AQP11: variants seen among roughly 807,000 people sequenced by gnomAD.
The protein encoded by AQP11 is aquaporin 11, also known as aquaporin-11.
Under a neutral mutation model 21.1 loss-of-function variants are expected in AQP11, and 20 were observed. The observed-to-expected ratio is 0.95, with a 90% CI of 0.67 to 1.38. AQP11 has a LOEUF of 1.38. Ranked by LOEUF, AQP11 falls within the 40% of genes most tolerant of loss-of-function variation. AQP11 has a pLI of 0.00. For synonymous variants in AQP11, 167 were observed against 150.1 expected, an observed-to-expected ratio of 1.11 and a Z score of -0.82; for missense variants, 339 against 340.4, an observed-to-expected ratio of 1.00 and a Z score of 0.03.
At chr11:77,597,004 G>GT (rs1438738542) in intron 1 of AQP11, among the ~76,000 whole-genome samples, 1 of 152,028 alleles carries the variant, frequency 6.6e-6, no homozygotes, top group Non-Finnish European at 1.5e-5. Context: ...CATACACGAA[G>GT]TACTTGGGAA....
chr11:77,599,487 T>C (rs1348466432), intron 1 of AQP11, among the ~76,000 whole-genome samples: 1 of 150,766 alleles, frequency 6.6e-6, no homozygotes. Context: ...TTTCACCATG[T>C]TGCCCAGGCT....
At chr11:77,596,537 A>AATATATATGT (rs1958783041) in intron 1 of AQP11, among the ~76,000 whole-genome samples, 1 of 86,576 alleles carries the variant, frequency 1.2e-5, no homozygotes, top group Non-Finnish European at 2.3e-5. Context: ...TATATATGTA[A>AATATATATGT]ATATATATAT....
intron 1 of AQP11, among the ~76,000 whole-genome samples, chr11:77,593,300 T>C (rs1958759335): frequency 6.6e-6 from 1 of 152,228 alleles, no homozygotes; most frequent in African/African-American, 2.4e-5. Flanking sequence ...AGGCCAAGCA[T>C]TTTGCAAGGA....
chr11:77,600,955 T>C (rs1053483207), intron 1 of AQP11, among the ~76,000 whole-genome samples: 1 of 148,682 alleles, frequency 6.7e-6, no homozygotes, highest in Admixed American at 6.9e-5. Context: ...GAGCTTGCAG[T>C]GAGCCGAGAT....
At chr11:77,593,340 TACA>T (rs1554976127) in intron 1 of AQP11, among the ~76,000 whole-genome samples, 2 of 152,200 alleles carry the variant, frequency 1.3e-5, no homozygotes, top group Non-Finnish European at 2.9e-5. Context: ...AATTAATTCT[TACA>T]ACAACCCATC....
chr11:77,595,178 C>A (rs1050251813), intron 1 of AQP11, among the ~76,000 whole-genome samples: 1 of 151,962 alleles, frequency 6.6e-6, no homozygotes, highest in African/African-American at 2.4e-5. Flanking sequence ...CCCACCTCTA[C>A]TAAAAATACA....
chr11:77,596,456 A>ATG (rs1958780343), intron 1 of AQP11, among the ~76,000 whole-genome samples: 1 of 90,212 alleles, frequency 1.1e-5, no homozygotes, highest in Non-Finnish European at 2.0e-5. Flanking sequence ...AAAAAAAAAA[A>ATG]TATATATATA....
At chr11:77,592,271 G>C (rs369109657) in intron 1 of AQP11, among the ~76,000 whole-genome samples, 1 of 137,190 alleles carries the variant, frequency 7.3e-6, no homozygotes, top group South Asian at 2.3e-4. Context: ...TGTCTCAAAA[G>C]AAAAAAAAAA....
chr11:77,602,839 G>A (rs1278074724), intron 1 of AQP11, among the ~76,000 whole-genome samples: 1 of 152,216 alleles, frequency 6.6e-6, no homozygotes, highest in Non-Finnish European at 1.5e-5. Flanking sequence ...GTCACTGTCT[G>A]AGGGATGCTC....
Position 77,590,109 on chromosome 11 carries a change from G to A in AQP11, c.117G>A (p.Leu39=). The A allele has an allele frequency of 6.2e-7, 1 of 1,607,704 alleles. No individual in the cohort carries two copies. The highest frequency in any genetic ancestry group is 8.5e-7 in the Non-Finnish European group (1 of 1,179,720). Residue 39 remains leucine (L), a synonymous_variant, in exon 1 of 3, where the codon CTG becomes CTA. Transcript: ENST00000313578. ...GLARVVARQQ[L]HRPVAHAFVL... is the part of the protein sequence containing the mutation. The stretch of plus-strand genomic sequence containing the variant: ...CCCGCGTAGTCGCCCGGCAGCAGCT[G>A]CACAGGCCGGTGGCCCACGCCTTCG...
At chr11:77,591,772 T>C (rs1270577972) in intron 1 of AQP11, among the ~76,000 whole-genome samples, 1 of 152,014 alleles carries the variant, frequency 6.6e-6, no homozygotes, top group African/African-American at 2.4e-5. Flanking sequence ...TACTCGGGAA[T>C]CTGAGGCGGG....
At chr11:77,598,007 G>A in intron 1 of AQP11, among the ~76,000 whole-genome samples, 1 of 152,114 alleles carries the variant, frequency 6.6e-6, no homozygotes, top group Middle Eastern at 3.2e-3. Flanking sequence ...CCAAAGTGCT[G>A]GGATTACAGG....
intron 2 of AQP11, among the ~76,000 whole-genome samples, chr11:77,606,249 G>A (rs991703099): frequency 1.3e-5 from 2 of 151,994 alleles, no homozygotes; most frequent in African/African-American, 2.4e-5. Context: ...CTCTGTAAAA[G>A]GACCTTGATT....
intron 1 of AQP11, among the ~76,000 whole-genome samples, chr11:77,596,864 TA>T (rs34702940): frequency 0.19 from 28,114 of 146,018 alleles, 3,194 homozygotes; most frequent in Non-Finnish European, 0.27. Flanking sequence ...TGTTTCAATT[TA>T]AAAAAAAAAA....
chr11:77,590,365 C>A lies in AQP11; in HGVS notation c.373C>A (p.Leu125Met). 6.2e-7 allele frequency: 1 copy of A among 1,613,228 alleles called. No homozygotes were observed. The highest frequency in any genetic ancestry group is 1.3e-5 in the African/African-American group (1 of 74,972). The stretch of plus-strand genomic sequence containing the variant: ...GGGTGCGGTGAGGCTATTGGCTCAG[C>A]TGGTTAGTGCCCTGTGCAGCAGGTA... ...ETGAVRLLAQ[L>M]VSALCSRYCT... Residue 125 changes from leucine (L) to methionine (M), a missense_variant, in exon 1 of 3, where the codon CTG becomes ATG. Leu to Met is a conservative substitution (Grantham distance 15). Transcript: ENST00000313578.
intron 1 of AQP11, among the ~76,000 whole-genome samples, chr11:77,601,828 G>A (rs1047246676): frequency 1.3e-5 from 2 of 152,136 alleles, no homozygotes; most frequent in Admixed American, 6.5e-5. Context: ...GTTCTCTTCC[G>A]TGTGGCCTTT....
chr11:77,597,239 G>C (rs1958788533), intron 1 of AQP11, among the ~76,000 whole-genome samples: 1 of 152,152 alleles, frequency 6.6e-6, no homozygotes, highest in African/African-American at 2.4e-5. Flanking sequence ...TCTGAGAACA[G>C]TCTAATGTCA....
chr11:77,604,486 C>T (rs1286708360), intron 2 of AQP11, among the ~76,000 whole-genome samples: 1 of 152,196 alleles, frequency 6.6e-6, no homozygotes, highest in Non-Finnish European at 1.5e-5. Context: ...GTTTAGTCAT[C>T]TGTTTTAAGC....
Position 77,603,560 on chromosome 11 carries a change from A to C in AQP11, c.624A>C (p.Gly208=). 6.3e-6 allele frequency: 10 copies of C among 1,577,646 alleles called. No individual in the cohort carries two copies. The highest frequency in any genetic ancestry group is 8.6e-6 in the Non-Finnish European group (10 of 1,164,312). The change falls in exon 2 of 3, where the codon GGA becomes GGC. Residue 208 remains glycine (G), a synonymous_variant. Transcript: ENST00000313578. ...ALITFLVYAG[G]SLTGAVFNPA... ...TCTGCTTAAAATCTGTTACAGGAGG[A>C]AGTCTAACAGGAGCTGTATTTAATC...
Sources: allele counts gnomAD v4.1 joint callset (sites outside exome capture counted in the v4.1 genomes callset), GRCh38; gene constraint gnomAD v4.1.1; transcripts MANE v1.5; gene names NCBI Gene and HGNC (gene_info 2026-07-23, HGNC 2026-07-21).